The following TMEM117 variants were observed in gnomAD, a reference collection of about 807,000 sequenced individuals.
The protein encoded by TMEM117 is transmembrane protein 117.
In TMEM117, 27 loss-of-function variants were observed where a neutral mutation model predicts 52.4. That is an observed-to-expected ratio of 0.51 (90% CI 0.38 to 0.71). The LOEUF is 0.71. TMEM117 is among the 30% of genes least tolerant of loss of function. The pLI is 0.00. For missense variants in TMEM117, 556 were observed against 630.5 expected (o/e 0.88, Z 1.26); for synonymous variants, 215 against 206.3 (o/e 1.04, Z -0.36).
At chr12:43,904,054 T>C (rs1944345945) in intron 2 of TMEM117, among the ~76,000 whole-genome samples, 1 of 152,224 alleles carries the variant, frequency 6.6e-6, no homozygotes, top group Non-Finnish European at 1.5e-5. Context: ...TGCCAGATGG[T>C]ATCATTTAAG....
chr12:44,204,037 A>G (rs1233651013), intron 4 of TMEM117, among the ~76,000 whole-genome samples: 3 of 151,922 alleles, frequency 2.0e-5, no homozygotes, highest in Non-Finnish European at 4.4e-5. Context: ...TCTCATGACT[A>G]CTATTCAAAA....
chr12:43,806,274 C>A, the TMEM117 span: 2 of 1,513,690 alleles, frequency 1.3e-6, no homozygotes, highest in East Asian at 2.7e-5. Context: ...CCGGCTCCGG[C>A]GCTGAGTGCA....
chr12:43,881,291 A>T (rs1943891286), intron 2 of TMEM117, among the ~76,000 whole-genome samples: 1 of 152,236 alleles, frequency 6.6e-6, no homozygotes, highest in South Asian at 2.1e-4. Flanking sequence ...AATTATTTTC[A>T]TATGATATTT....
intron 2 of TMEM117, among the ~76,000 whole-genome samples, chr12:43,905,785 C>T (rs1401887619): frequency 6.6e-6 from 1 of 152,174 alleles, no homozygotes; most frequent in Non-Finnish European, 1.5e-5. Flanking sequence ...AGTCCTGAGT[C>T]TGATGACATC....
chr12:44,276,013 G>C (rs1231962035), intron 5 of TMEM117, among the ~76,000 whole-genome samples: 5 of 152,118 alleles, frequency 3.3e-5, no homozygotes, highest in Non-Finnish European at 7.4e-5. Context: ...TTTATGATGT[G>C]ATTATTATGC....
chr12:43,891,557 A>C (rs1023295050), intron 2 of TMEM117, among the ~76,000 whole-genome samples: 4 of 151,384 alleles, frequency 2.6e-5, no homozygotes, highest in Non-Finnish European at 5.9e-5. Flanking sequence ...TAGTAGAGAC[A>C]GGGTTTCACC....
chr12:43,935,503 G>T (rs1413775263), intron 2 of TMEM117, among the ~76,000 whole-genome samples: 7 of 151,976 alleles, frequency 4.6e-5, no homozygotes, highest in Admixed American at 4.6e-4. Context: ...TTGTTACTTC[G>T]GGTTCATTTT....
rs1357393532 is a variant in TMEM117 at position 44,171,125 on chromosome 12, C to T, written c.510+27501C>T. ...CCACCTCCCGGGTTCACGCCATTCT[C>T]CTGCCTCAGCCTCCCAAGTAGCTGG... On this transcript the variant is annotated intron_variant, in intron 4 of 7. Coordinates refer to ENST00000266534, the MANE Select transcript of TMEM117 (RefSeq NM_032256.3). 3.3e-5 allele frequency among the ~76,000 whole-genome samples: 5 copies of T among 151,084 alleles called. No individual in the cohort carries two copies. In the South Asian group the frequency reaches 1.0e-3, roughly 31 times the overall value.
chr12:44,290,937 C>T (rs918103086), intron 5 of TMEM117, among the ~76,000 whole-genome samples: 3 of 152,160 alleles, frequency 2.0e-5, no homozygotes, highest in South Asian at 2.1e-4. Flanking sequence ...CTGTGCCTGG[C>T]CCTGCTGTAC....
intron 3 of TMEM117, among the ~76,000 whole-genome samples, chr12:44,137,771 C>T (rs1443716121): frequency 1.3e-5 from 2 of 152,118 alleles, no homozygotes; most frequent in Non-Finnish European, 2.9e-5. Context: ...CCCACTTATT[C>T]AACTACCTAC....
At chr12:44,036,980 A>T (rs1214396730) in intron 3 of TMEM117, among the ~76,000 whole-genome samples, 6 of 152,154 alleles carry the variant, frequency 3.9e-5, no homozygotes, top group African/African-American at 1.4e-4. Flanking sequence ...TTTCATATTG[A>T]TGGCAGCAGC....
chr12:44,290,395 G>T (rs1344918895), intron 5 of TMEM117, among the ~76,000 whole-genome samples: 4 of 152,114 alleles, frequency 2.6e-5, no homozygotes, highest in Non-Finnish European at 5.9e-5. Flanking sequence ...GTTAATATTT[G>T]TGTATGATGT....
chr12:44,084,585 A>T (rs1339003965), intron 3 of TMEM117, among the ~76,000 whole-genome samples: 1 of 152,168 alleles, frequency 6.6e-6, no homozygotes, highest in Non-Finnish European at 1.5e-5. Flanking sequence ...CCTCATCTGT[A>T]TCAGAAAAGG....
At chr12:44,339,752 A>T (rs1008554166) in intron 6 of TMEM117, among the ~76,000 whole-genome samples, 5 of 151,942 alleles carry the variant, frequency 3.3e-5, no homozygotes, top group Non-Finnish European at 5.9e-5. Flanking sequence ...TATATAAGAA[A>T]AAATGTATAA....
chr12:43,824,033 T>C, the TMEM117 span, among the ~76,000 whole-genome samples: 6 of 152,250 alleles, frequency 3.9e-5, no homozygotes, highest in Non-Finnish European at 1.5e-5. Flanking sequence ...CTAGCATTGA[T>C]ATTTTAAAAA....
intron 3 of TMEM117, among the ~76,000 whole-genome samples, chr12:44,027,199 A>AT (rs1199295546): frequency 5.3e-5 from 6 of 113,886 alleles, no homozygotes; most frequent in Admixed American, 9.4e-5. Flanking sequence ...ATTTTATTTT[A>AT]ATTAGAGATG....
rs1027520034 is a variant in TMEM117, at chr12:44,049,362, C to T, written c.411-94163C>T. 3.9e-5 allele frequency among the ~76,000 whole-genome samples: 6 copies of T among 151,930 alleles called. No individual in the cohort carries two copies. The East Asian group carries it at 5.8e-4, about 15-fold the overall frequency. ...TTCTCACTCATAAGTGGGAGCTGAA[C>T]GATGAGAACACATGGACACAGGGAG... On this transcript the variant is annotated intron_variant, in intron 3 of 7. Coordinates refer to ENST00000266534, the MANE Select transcript of TMEM117 (RefSeq NM_032256.3).
chr12:44,173,301 T>A (rs929579792), intron 4 of TMEM117, among the ~76,000 whole-genome samples: 2 of 152,182 alleles, frequency 1.3e-5, no homozygotes, highest in African/African-American at 4.8e-5. Flanking sequence ...GGTCTCAAAC[T>A]CCTGAGCTCA....
At chr12:44,171,307 G>A (rs1280341939) in intron 4 of TMEM117, among the ~76,000 whole-genome samples, 3 of 152,254 alleles carry the variant, frequency 2.0e-5, no homozygotes, top group Non-Finnish European at 2.9e-5. Flanking sequence ...GAGCCACCGC[G>A]CCCGGCCTTT....
Sources: allele counts gnomAD v4.1 joint callset (sites outside exome capture counted in the v4.1 genomes callset), GRCh38; gene constraint gnomAD v4.1.1; transcripts MANE v1.5; gene names NCBI Gene and HGNC (gene_info 2026-07-23, HGNC 2026-07-21).